NFIA: variants seen among roughly 807,000 people sequenced by gnomAD.
NFIA encodes the protein nuclear factor I A.
Under a neutral mutation model 62.8 loss-of-function variants are expected in NFIA, and 8 were observed. The ratio of observed to expected loss-of-function variants is 0.13; its 90% confidence interval spans 0.07 to 0.23. The LOEUF (loss-of-function observed/expected upper bound fraction) is 0.23. Among genes scored for constraint, NFIA ranks in the 10% least tolerant of loss-of-function variants. The probability of loss-of-function intolerance (pLI) is 1.00; values close to 1 mark genes in which losing one functional copy is unlikely to be tolerated. For missense variants in NFIA, 410 were observed against 642.1 expected, an observed-to-expected ratio of 0.64 and a Z score of 3.91; for synonymous variants, 235 against 238.1, an observed-to-expected ratio of 0.99 and a Z score of 0.12.
chr1:61,225,585 G>C (rs1654284493), intron 2 of NFIA, among the ~76,000 whole-genome samples: 1 of 145,386 alleles, frequency 6.9e-6, no homozygotes. Context: ...ATGTGAAAGA[G>C]ATGGAGCAAC....
At chr1:61,361,782 GGTGTGTGTGTGTGTGTGTGTGTGTGTGT>G (rs61410878) in intron 6 of NFIA, among the ~76,000 whole-genome samples, 1 of 142,176 alleles carries the variant, frequency 7.0e-6, no homozygotes, top group East Asian at 2.1e-4. Context: ...TTTGGTAAGA[GGTGTGTGTGTGTGTGTGTGTGTGTGTGT>G]GTGTGTGTGT....
chr1:61,106,579 T>C (rs548724489), intron 2 of NFIA, among the ~76,000 whole-genome samples: 1 of 151,954 alleles, frequency 6.6e-6, no homozygotes, highest in South Asian at 2.1e-4. Flanking sequence ...GTATTTCTTT[T>C]AAAATTTTTC....
intron 10 of NFIA, among the ~76,000 whole-genome samples, chr1:61,433,023 A>G (rs1569865258): frequency 6.6e-6 from 1 of 152,146 alleles, no homozygotes. Flanking sequence ...AGTCTCCAGA[A>G]CTTCTGTTTT....
At chr1:61,322,947 C>T (rs573618112) in intron 3 of NFIA, among the ~76,000 whole-genome samples, 1 of 152,198 alleles carries the variant, frequency 6.6e-6, no homozygotes, top group South Asian at 2.1e-4. Context: ...TTGACTCTGT[C>T]TCTATGGCTA....
chr1:61,169,501 C>T (rs758484680), intron 2 of NFIA, among the ~76,000 whole-genome samples: 1 of 152,202 alleles, frequency 6.6e-6, no homozygotes, highest in Non-Finnish European at 1.5e-5. Flanking sequence ...ACACCCCCAA[C>T]CAAATGTGGA....
intron 9 of NFIA, among the ~76,000 whole-genome samples, chr1:61,418,960 T>C (rs1394733658): frequency 1.3e-5 from 2 of 152,192 alleles, no homozygotes; most frequent in African/African-American, 2.4e-5. Flanking sequence ...TCCCTACCCA[T>C]ATACATGGTT....
intron 2 of NFIA, among the ~76,000 whole-genome samples, chr1:61,218,732 G>A (rs1653811277): frequency 6.6e-6 from 1 of 152,142 alleles, no homozygotes; most frequent in South Asian, 2.1e-4. Context: ...TGGGCGTATA[G>A]TATTTCATGT....
At chr1:61,158,095 G>T (rs1275813088) in intron 2 of NFIA, among the ~76,000 whole-genome samples, 2 of 152,150 alleles carry the variant, frequency 1.3e-5, no homozygotes, top group Non-Finnish European at 2.9e-5. Context: ...GATAGAGTAG[G>T]TAGATCATAG....
chr1:61,084,307 T>C (rs1227717083), intron 1 of NFIA, among the ~76,000 whole-genome samples: 1 of 152,194 alleles, frequency 6.6e-6, no homozygotes, highest in African/African-American at 2.4e-5. Context: ...ACAGTAATAA[T>C]ACCGGGTATT....
intron 2 of NFIA, among the ~76,000 whole-genome samples, chr1:61,111,091 A>C (rs1009726971): frequency 1.3e-5 from 2 of 152,156 alleles, no homozygotes; most frequent in African/African-American, 2.4e-5. Flanking sequence ...CTTCTATATA[A>C]GATGAATTCT....
chr1:61,394,979 T>C (rs1665190619), intron 7 of NFIA, among the ~76,000 whole-genome samples: 1 of 152,122 alleles, frequency 6.6e-6, no homozygotes, highest in Non-Finnish European at 1.5e-5. Context: ...TGGTGGCACA[T>C]GCTTGCAGTC....
At chr1:61,299,149 A>C (rs1247483468) in intron 3 of NFIA, among the ~76,000 whole-genome samples, 1 of 152,182 alleles carries the variant, frequency 6.6e-6, no homozygotes, top group Non-Finnish European at 1.5e-5. Context: ...TTACATTCTA[A>C]GTGCTGAATT....
At chr1:61,239,102 T>G (rs551158113) in intron 2 of NFIA, among the ~76,000 whole-genome samples, 1 of 152,356 alleles carries the variant, frequency 6.6e-6, no homozygotes, top group East Asian at 1.9e-4. Context: ...TAAGACTCAG[T>G]TATATCCTGT....
chr1:61,350,902 G>A (rs1417427283), intron 4 of NFIA, among the ~76,000 whole-genome samples: 1 of 152,100 alleles, frequency 6.6e-6, no homozygotes, highest in Non-Finnish European at 1.5e-5. Context: ...CCCAGGTTGG[G>A]TTAGATAACC....
intron 6 of NFIA, among the ~76,000 whole-genome samples, chr1:61,361,600 G>T (rs534394462): frequency 6.6e-6 from 1 of 152,074 alleles, no homozygotes; most frequent in Non-Finnish European, 1.5e-5. Flanking sequence ...TATATTGGGG[G>T]CTGTGGAGGT....
At chr1:61,181,696 T>TA (rs1304475379) in intron 2 of NFIA, among the ~76,000 whole-genome samples, 1 of 152,220 alleles carries the variant, frequency 6.6e-6, no homozygotes, top group African/African-American at 2.4e-5. Flanking sequence ...AATGTCTTGA[T>TA]AATTTCATTG....
At chr1:61,398,196 G>A (rs534651812) in intron 7 of NFIA, among the ~76,000 whole-genome samples, 1 of 152,302 alleles carries the variant, frequency 6.6e-6, no homozygotes, top group Admixed American at 6.5e-5. Flanking sequence ...CTGTAGCAGC[G>A]GAGTTCAGCA....
intron 2 of NFIA, among the ~76,000 whole-genome samples, chr1:61,217,453 T>C (rs1009914161): frequency 6.6e-6 from 1 of 152,174 alleles, no homozygotes; most frequent in African/African-American, 2.4e-5. Flanking sequence ...ATGTCATTAT[T>C]AAATTTATGG....
chr1:61,458,202 GGAAAAAAAGA>G lies in NFIA; in HGVS notation c.*2883_*2892del, dbSNP rs1668387965. The G allele has an allele frequency of 7.1e-6, 1 of 140,548 alleles. No individual in the cohort carries two copies. The highest frequency in any genetic ancestry group is 2.9e-5 in the African/African-American group (1 of 34,290). The allele number at this position is 140,548 out of a possible 1,614,324, so 8.7% of individuals were successfully genotyped here. A position where few individuals can be genotyped will look rare whatever the true frequency, so the allele number is the denominator to read the frequency against. On this transcript the variant is annotated 3_prime_UTR_variant, in exon 11 of 11. Coordinates refer to ENST00000403491, the MANE Select transcript of NFIA (RefSeq NM_001134673.4). ...TATGTGCACTAAAAAATGAAAAAAAGGAAAAAAAGAAAAAAAAAAAGAAAAAATAGCAGCT... is the reference window on the plus strand; with the variant it reads ...TATGTGCACTAAAAAATGAAAAAAAGAAAAAAAAAAGAAAAAATAGCAGCT...
Sources: allele counts gnomAD v4.1 joint callset (sites outside exome capture counted in the v4.1 genomes callset), GRCh38; gene constraint gnomAD v4.1.1; transcripts MANE v1.5; gene names NCBI Gene and HGNC (gene_info 2026-07-23, HGNC 2026-07-21).